Variants in DPP6 observed in about 807,000 individuals in gnomAD.
DPP6 encodes the protein dipeptidyl peptidase like 6.
DPP6 carries 69 observed loss-of-function variants against 122.6 expected under a neutral mutation model. The observed-to-expected ratio is 0.56, with a 90% CI of 0.46 to 0.69. The LOEUF (loss-of-function observed/expected upper bound fraction) is 0.69, where lower values mean the gene tolerates loss of function less well. Among genes scored for constraint, DPP6 ranks in the 30% least tolerant of loss-of-function variants. The probability of loss-of-function intolerance (pLI) is 0.00; values close to 1 mark genes in which losing one functional copy is unlikely to be tolerated. For synonymous variants in DPP6, 418 were observed against 433.1 expected, an observed-to-expected ratio of 0.97 and a Z score of 0.43; for missense variants, 928 against 1,116.9, an observed-to-expected ratio of 0.83 and a Z score of 2.41.
At chr7:154,810,550 G>A (rs757341855) in intron 16 of DPP6, among the ~76,000 whole-genome samples, 1 of 152,200 alleles carries the variant, frequency 6.6e-6, no homozygotes, top group Non-Finnish European at 1.5e-5. Flanking sequence ...TATTTGCAAG[G>A]CTTGTGTTGT....
chr7:154,286,817 T>C (rs867778716), intron 1 of DPP6, among the ~76,000 whole-genome samples: 14 of 151,896 alleles, frequency 9.2e-5, no homozygotes, highest in African/African-American at 3.1e-4. Flanking sequence ...TTTTTTTTTT[T>C]TTTCTTTTGA....
At chr7:154,394,929 G>A (rs899359425) in intron 1 of DPP6, among the ~76,000 whole-genome samples, 1 of 152,178 alleles carries the variant, frequency 6.6e-6, no homozygotes, top group African/African-American at 2.4e-5. Context: ...TCTACTTAAT[G>A]CATTGGGATT....
chr7:154,275,280 C>G (rs560114645), intron 1 of DPP6, among the ~76,000 whole-genome samples: 48 of 152,338 alleles, frequency 3.2e-4, no homozygotes, highest in Non-Finnish European at 4.0e-4. Context: ...AGGCACAGTT[C>G]TACCTGTGTG....
intron 1 of DPP6, among the ~76,000 whole-genome samples, chr7:154,219,931 T>C (rs4726388): frequency 0.87 from 131,866 of 152,220 alleles, 57,358 homozygotes; most frequent in African/African-American, 0.93. Context: ...CCATTTCATT[T>C]GTGATTCTGT....
At chr7:153,803,706 T>C in the DPP6 span, among the ~76,000 whole-genome samples, 2 of 151,344 alleles carry the variant, frequency 1.3e-5, no homozygotes, top group African/African-American at 2.4e-5. Context: ...TGTAAAGATA[T>C]AGATATCTCT....
intron 1 of DPP6, among the ~76,000 whole-genome samples, chr7:154,186,825 G>A (rs983566661): frequency 6.6e-6 from 1 of 152,170 alleles, no homozygotes. Context: ...AGTAACTCCA[G>A]GCTATTATTA....
rs796670738 is a variant in DPP6, at chr7:154,505,798, CA to C, written c.457+30762del. 3.4e-4 allele frequency among the ~76,000 whole-genome samples: 52 copies of C among 152,212 alleles called. 1 individual carries two copies. Among genetic ancestry groups the C allele is most frequent in the African/African-American group, 1.2e-3 (50 of 41,516 alleles). On this transcript the variant is annotated intron_variant, in intron 3 of 25. Coordinates refer to ENST00000377770, the MANE Select transcript of DPP6 (RefSeq NM_130797.4). ...ATCACCTGGCTAAAGTCGTACTTGT[CA>C]TTTTCTCTACTGTAACTACATTTTT...
At chr7:154,808,514 G>C (rs1336297589) in intron 16 of DPP6, among the ~76,000 whole-genome samples, 1 of 152,106 alleles carries the variant, frequency 6.6e-6, no homozygotes, top group Admixed American at 6.5e-5. Flanking sequence ...AGTGCTGTAG[G>C]GGAAAGAACC....
intron 7 of DPP6, among the ~76,000 whole-genome samples, chr7:154,685,486 A>T (rs779956116): frequency 6.6e-6 from 1 of 152,192 alleles, no homozygotes; most frequent in Non-Finnish European, 1.5e-5. Flanking sequence ...GGGGCTTCTG[A>T]TGTACAACCA....
intron 1 of DPP6, among the ~76,000 whole-genome samples, chr7:154,181,365 C>T (rs557386452): frequency 2.6e-5 from 4 of 152,258 alleles, no homozygotes; most frequent in African/African-American, 4.8e-5. Flanking sequence ...TCTCCCCAAC[C>T]GCCCCATCAT....
chr7:154,637,195 C>T (rs1835781665), intron 5 of DPP6, among the ~76,000 whole-genome samples: 1 of 152,158 alleles, frequency 6.6e-6, no homozygotes, highest in Non-Finnish European at 1.5e-5. Context: ...TTGAGGGTTA[C>T]AGGAGTTTGG....
intron 7 of DPP6, among the ~76,000 whole-genome samples, chr7:154,674,032 T>C (rs1838738662): frequency 6.6e-6 from 1 of 152,118 alleles, no homozygotes; most frequent in Non-Finnish European, 1.5e-5. Flanking sequence ...TGTGCCACCA[T>C]ACGTGGCTAA....
chr7:153,762,283 G>A, the DPP6 span, among the ~76,000 whole-genome samples: 1 of 152,128 alleles, frequency 6.6e-6, no homozygotes, highest in Non-Finnish European at 1.5e-5. Context: ...TCAAAAGCCT[G>A]AGAAATCATA....
the DPP6 span, among the ~76,000 whole-genome samples, chr7:153,851,297 AC>A: frequency 6.6e-6 from 1 of 152,180 alleles, no homozygotes; most frequent in African/African-American, 2.4e-5. Context: ...TTACTTGCTG[AC>A]TTTTCATTAA....
chr7:154,804,952 G>A lies in DPP6; in HGVS notation c.1535G>A (p.Arg512Gln). 4 of 1,600,272 alleles carry A rather than the reference G, an allele frequency of 2.5e-6. No individual in the cohort carries two copies. Among genetic ancestry groups the A allele is most frequent in the Non-Finnish European group, 3.4e-6 (4 of 1,173,142 alleles). Reference protein sequence around the residue: ...FLSTEDLPRRRQLYSANTVGN... With the variant: ...FLSTEDLPRRQQLYSANTVGN... ...AGCACGGAGGACCTGCCTCGGAGACGACAACTCTACAGGTAACTCCTGCTC... is the reference window on the plus strand; with the variant it reads ...AGCACGGAGGACCTGCCTCGGAGACAACAACTCTACAGGTAACTCCTGCTC... The change falls in exon 15 of 26, where the codon CGA (arginine) becomes CAA (glutamine). Residue 512 changes from arginine to glutamine, a missense_variant. By Grantham distance (43) the Arg-to-Gln change is conservative. Transcript: ENST00000377770.
At chr7:154,410,117 T>C (rs1816475452) in intron 1 of DPP6, among the ~76,000 whole-genome samples, 1 of 152,182 alleles carries the variant, frequency 6.6e-6, no homozygotes, top group Admixed American at 6.5e-5. Context: ...TCTTTGCAAA[T>C]CCATTTCTTG....
intron 1 of DPP6, among the ~76,000 whole-genome samples, chr7:153,917,908 G>A (rs990458129): frequency 2.0e-5 from 3 of 152,144 alleles, no homozygotes; most frequent in Non-Finnish European, 4.4e-5. Flanking sequence ...GATCTCCTCA[G>A]TGTTAATATC....
the DPP6 span, among the ~76,000 whole-genome samples, chr7:153,792,601 A>C: frequency 5.9e-5 from 9 of 152,188 alleles, no homozygotes; most frequent in Non-Finnish European, 1.3e-4. Flanking sequence ...TCTTTCAACA[A>C]ATTTGTCCAC....
At chr7:154,107,752 C>A (rs1806276994) in intron 1 of DPP6, among the ~76,000 whole-genome samples, 1 of 152,068 alleles carries the variant, frequency 6.6e-6, no homozygotes, top group Non-Finnish European at 1.5e-5. Context: ...GGGAACCTTA[C>A]CAGGGTTCTT....
Sources: gnomAD v4.1 joint callset for allele counts (sites outside exome capture counted in the v4.1 genomes callset) on GRCh38, gnomAD v4.1.1 for gene constraint, MANE v1.5 for transcripts, NCBI Gene and HGNC (gene_info 2026-07-23, HGNC 2026-07-21) for gene names.